Variants in CLK1 observed in about 807,000 individuals in gnomAD.
CLK1 encodes dual specificity protein kinase CLK1.
A neutral mutation model predicts 60.9 loss-of-function variants in CLK1; 40 were observed. The ratio of observed to expected loss-of-function variants is 0.66; its 90% CI spans 0.51 to 0.86. The LOEUF (loss-of-function observed/expected upper bound fraction) is 0.86, where lower values mean the gene tolerates loss of function less well. Among genes scored for constraint, CLK1 ranks in the 40% least tolerant of loss-of-function variants. CLK1 has a pLI of 0.00. For synonymous variants in CLK1, 203 were observed against 184.4 expected (o/e 1.10, Z -0.82); for missense variants, 563 against 606.1 (o/e 0.93, Z 0.75).
At chr2:200,863,479 G>C (rs2039176115) in intron 1 of CLK1, among the ~76,000 whole-genome samples, 1 of 152,086 alleles carries the variant, frequency 6.6e-6, no homozygotes, top group Non-Finnish European at 1.5e-5. Context: ...GATCACCTGA[G>C]CCCAGATGTC....
Position 200,853,263 on chromosome 2 carries a change from A to G in CLK1, c.*43T>C, listed in dbSNP as rs1420938085. 2.1e-6 allele frequency: 3 copies of G among 1,457,790 alleles called. No homozygotes were observed. The African/African-American group carries it at 4.3e-5, about 21-fold the overall frequency. The allele number at this position is 1,457,790 out of a possible 1,614,324, so 90.3% of individuals were successfully genotyped here. A position where few individuals can be genotyped will look rare whatever the true frequency, so the allele number is the denominator to read the frequency against. On this transcript the variant is annotated 3_prime_UTR_variant, in exon 13 of 13. Transcript: ENST00000321356. ...CTTAAAATTTAAAAATTAGACTGAT[A>G]CAGTCTGTAAGATCTCTTCGAGAGA...
rs141687866 is a variant in CLK1 at position 200,856,761 on chromosome 2, A to G, written c.978T>C (p.Phe326=). The change falls in exon 9 of 13, where the codon TTT becomes TTC. Residue 326 remains phenylalanine, a synonymous_variant. Transcript: ENST00000321356. ...GTTCGTCATCATATGTTGCACTACCAAAGTCTACAACTTTAATATCTGGAT... is the reference window on the plus strand; with the variant it reads ...GTTCGTCATCATATGTTGCACTACCGAAGTCTACAACTTTAATATCTGGAT... The part of the protein sequence containing the change: ...LINPDIKVVD[F]GSATYDDEHH... 1.2e-6 allele frequency: 2 copies of G among 1,613,720 alleles called. No individual in the cohort carries two copies. Among genetic ancestry groups the G allele is most frequent in the Non-Finnish European group, 1.7e-6 (2 of 1,179,838 alleles).
intron 2 of CLK1, 115 bp from the exon 3 acceptor site, chr2:200,861,581 A>C: frequency 2.6e-6 from 4 of 1,559,186 alleles, no homozygotes; most frequent in African/African-American, 1.4e-5. Flanking sequence ...AAACATTACA[A>C]ACCATCAAAA....
At position 200,855,102 on chromosome 2, in the gene CLK1, A is replaced by C; in HGVS notation, c.1058-16T>G. On this transcript the variant is annotated splice_polypyrimidine_tract_variant and intron_variant, in intron 9 of 12. Coordinates refer to ENST00000321356, the MANE Select transcript of CLK1 (RefSeq NM_004071.4). The stretch of plus-strand genomic sequence containing the variant: ...CACCCTAGGGCTGCAAAGCAAAGCA[A>C]AATTTAAGGAAAAAAAATACTCAAT... The C allele has an allele frequency of 6.4e-7, 1 of 1,564,336 alleles. No individual in the cohort carries two copies. The highest frequency in any genetic ancestry group is 8.7e-7 in the Non-Finnish European group (1 of 1,153,832).
chr2:200,864,188 C>G, intron 1 of CLK1: 1 of 1,550,738 alleles, frequency 6.4e-7, no homozygotes, highest in South Asian at 1.2e-5. Context: ...CTCGCCTTTC[C>G]GGCCACAGGG....
At chr2:200,854,064 TACTATGCTTTCCCAGATC>T in intron 11 of CLK1, 71 bp from the exon 12 acceptor site, 1 of 962,312 alleles carries the variant, frequency 1.0e-6, no homozygotes, top group Non-Finnish European at 1.6e-6. Context: ...AGGTATCAAT[TACTATGCTTTCCCAGATC>T]ACTTTTCTAG....
At position 200,859,669 on chromosome 2, in the gene CLK1, G is replaced by C. The variant is rs953613450; in HGVS notation, c.548+11C>G. The C allele has an allele frequency of 2.5e-6, 4 of 1,608,652 alleles. No individual in the cohort carries two copies. Among genetic ancestry groups the C allele is most frequent in the African/African-American group, 1.3e-5 (1 of 74,798 alleles). On this transcript the variant is annotated intron_variant, in intron 5 of 12. Transcript: ENST00000321356. Reference sequence around the variant, plus strand: ...ACTTCCCTAAAAGTAATCCCAACATGGGAAACTTACGCTTTATGATCGATG... The same window carrying C: ...ACTTCCCTAAAAGTAATCCCAACATCGGAAACTTACGCTTTATGATCGATG...
chr2:200,853,931 T>G lies in CLK1; in HGVS notation c.1283A>C (p.Tyr428Ser), dbSNP rs1347954874. 6.2e-7 allele frequency: 1 copy of G among 1,612,582 alleles called. No individual in the cohort carries two copies. Among genetic ancestry groups the G allele is most frequent in the Non-Finnish European group, 8.5e-7 (1 of 1,179,284 alleles). ...DWDEHSSAGR[Y>S]VSRRCKPLKE... ...CAGAGGTTTACAGCGTCTTGAAACA[T>G]ATCTGCCGGCAGAACTGTGTTCATC... Residue 428 changes from tyrosine (Y) to serine (S), a missense_variant, in exon 12 of 13, where the codon TAT (tyrosine) becomes TCT (serine). This residue lies in a region of CLK1 where 360 missense variants were observed against 407.0 expected (regional missense o/e 0.88). Coordinates refer to ENST00000321356, the MANE Select transcript of CLK1 (RefSeq NM_004071.4).
At chr2:200,859,779 A>G in intron 4 of CLK1, 33 bp from the exon 5 acceptor site, 1 of 1,609,932 alleles carries the variant, frequency 6.2e-7, no homozygotes, top group Non-Finnish European at 8.5e-7. Flanking sequence ...AGTCATATCA[A>G]GAAGTGGAAA....
intron 2 of CLK1, 58 bp downstream of exon 2, chr2:200,861,644 T>C: frequency 1.3e-6 from 2 of 1,589,832 alleles, no homozygotes; most frequent in African/African-American, 1.3e-5. Flanking sequence ...TTTTAAGTGA[T>C]ACTAGTTTTG....
At position 200,861,223 on chromosome 2, in the gene CLK1, T is replaced by TA. The variant is rs773726404; in HGVS notation, c.390+14dup. The stretch of plus-strand genomic sequence containing the variant: ...GGGATATAAAATTTCCAAAATGTTT[T>TA]AAAAACGTTCATACCCCATGTGAAC... On this transcript the variant is annotated intron_variant, in intron 3 of 12. Transcript: ENST00000321356. 3 of 1,605,888 alleles carry TA rather than the reference T, an allele frequency of 1.9e-6. No individual in the cohort carries two copies. Among genetic ancestry groups the TA allele is most frequent in the Admixed American group, 3.4e-5 (2 of 58,816 alleles).
In CLK1 at chr2:200,853,027, T is replaced by C. The variant is rs769418653; in HGVS notation, c.*279A>G. 21 of 233,652 alleles carry C rather than the reference T, an allele frequency of 9.0e-5. No individual in the cohort carries two copies. Among genetic ancestry groups the C allele is most frequent in the Middle Eastern group, 1.4e-3 (1 of 716 alleles). 14.5% of individuals were successfully genotyped at this position (233,652 alleles called of 1,614,324 possible). A position where few individuals can be genotyped will look rare whatever the true frequency, so the allele number is the denominator to read the frequency against. On this transcript the variant is annotated 3_prime_UTR_variant, in exon 13 of 13. Coordinates refer to ENST00000321356, the MANE Select transcript of CLK1 (RefSeq NM_004071.4). ...ACAGAAATCTATGTCCATTCTTTAA[T>C]AGAAGTAGGAAGAAAAATGGTACTT...
rs747479913 is a variant in CLK1 at position 200,864,193 on chromosome 2, A to G, written c.-1+371T>C. ...AACGGGGAGCCTCGCCTTTCCGGCC[A>G]CAGGGCCGAAGCCGGCCTCCGCCCA... is the stretch of plus-strand genomic sequence containing the variant. On this transcript the variant is annotated intron_variant, in intron 1 of 12. Coordinates refer to ENST00000321356, the MANE Select transcript of CLK1 (RefSeq NM_004071.4). 216 of 1,550,572 alleles carry G rather than the reference A, an allele frequency of 1.4e-4. No homozygotes were observed. The highest frequency in any genetic ancestry group is 5.0e-4 in the Middle Eastern group (3 of 6,014).
rs146892344 is a variant in CLK1, at chr2:200,853,230, C to T, written c.*76G>A. On this transcript the variant is annotated 3_prime_UTR_variant, in exon 13 of 13. Transcript: ENST00000321356. ...AATGTTAAGAATTTACAAAGCTGTACAAAATAACTTAAAATTTAAAAATTA... is the reference window on the plus strand; with the variant it reads ...AATGTTAAGAATTTACAAAGCTGTATAAAATAACTTAAAATTTAAAAATTA... 2.4e-3 allele frequency: 2,819 copies of T among 1,152,690 alleles called. 7 individuals carry two copies. Among genetic ancestry groups the T allele is most frequent in the Non-Finnish European group, 3.1e-3 (2,563 of 835,624 alleles). The allele number at this position is 1,152,690 out of a possible 1,614,324, so 71.4% of individuals were successfully genotyped here.
intron 9 of CLK1, among the ~76,000 whole-genome samples, chr2:200,855,437 C>T (rs919956531): frequency 2.6e-5 from 4 of 151,968 alleles, no homozygotes; most frequent in South Asian, 2.1e-4. Context: ...CCTGACTACA[C>T]GGTGAAACTC....
At position 200,860,235 on chromosome 2, in the gene CLK1, G is replaced by C. The variant is rs371436258; in HGVS notation, c.391-20C>G. The C allele has an allele frequency of 1.6e-4, 257 of 1,613,472 alleles. No individual in the cohort carries two copies. Among genetic ancestry groups the C allele is most frequent in the Non-Finnish European group, 2.1e-4 (253 of 1,179,796 alleles). On this transcript the variant is annotated intron_variant, in intron 3 of 12. Transcript: ENST00000321356. ...ACTCTTCTGGAAACGTCAAGTGGGCGGCACCAAGATCATCCAGCCAATCAA... is the reference window on the plus strand; with the variant it reads ...ACTCTTCTGGAAACGTCAAGTGGGCCGCACCAAGATCATCCAGCCAATCAA...
In CLK1 at chr2:200,861,308, C is replaced by G. The variant is rs768579514; in HGVS notation, c.320G>C (p.Arg107Thr). The G allele has an allele frequency of 6.2e-7, 1 of 1,614,180 alleles. No individual in the cohort carries two copies. Among genetic ancestry groups the G allele is most frequent in the East Asian group, 2.2e-5 (1 of 44,880 alleles). ...YQNHSSKSSGRSGRSSYKSKH... is the reference protein window; with the variant it reads ...YQNHSSKSSGTSGRSSYKSKH... ...GCTTTTATAACTACTTCTTCCACTTCTACCAGAAGACTTGCTACTATGGTT... is the reference window on the plus strand; with the variant it reads ...GCTTTTATAACTACTTCTTCCACTTGTACCAGAAGACTTGCTACTATGGTT... Residue 107 changes from arginine (R) to threonine (T), a missense_variant, in exon 3 of 13, where the codon AGA becomes ACA. This residue lies in a region of CLK1 where 198 missense variants were observed against 179.2 expected (regional missense o/e 1.10). Transcript: ENST00000321356.
chr2:200,853,814 CAG>C (rs763609681), intron 12 of CLK1, 87 bp downstream of exon 12: 2 of 1,017,756 alleles, frequency 2.0e-6, no homozygotes, highest in Non-Finnish European at 2.9e-6. Flanking sequence ...CACTCTACTC[CAG>C]CCTGGACAAC....
At chr2:200,855,971 T>A (rs979346551) in intron 9 of CLK1, among the ~76,000 whole-genome samples, 2 of 150,250 alleles carry the variant, frequency 1.3e-5, no homozygotes, top group Non-Finnish European at 3.0e-5. Context: ...ATTGCACCAC[T>A]GCACTCCAGC....
Sources: allele counts gnomAD v4.1 joint callset (sites outside exome capture counted in the v4.1 genomes callset), GRCh38; gene constraint gnomAD v4.1.1; regional missense constraint gnomAD v4.1.1; transcripts MANE v1.5; gene names NCBI Gene and HGNC (gene_info 2026-07-23, HGNC 2026-07-21).